CEP290: variants seen among roughly 807,000 people sequenced by gnomAD.
CEP290 encodes centrosomal protein 290, also known as centrosomal protein of 290 kDa.
A neutral mutation model predicts 344.9 loss-of-function variants in CEP290; 317 were observed. The observed-to-expected ratio is 0.92, with a 90% CI of 0.84 to 1.01. CEP290 has a LOEUF of 1.01. Ranked by LOEUF, CEP290 falls within the 50% of genes least tolerant of loss-of-function variation. The probability of loss-of-function intolerance (pLI) is 0.00; values close to 1 mark genes in which losing one functional copy is unlikely to be tolerated. For synonymous variants in CEP290, 932 were observed against 895.8 expected (o/e 1.04, Z -0.72); for missense variants, 2,754 against 2,761.4 (o/e 1.00, Z 0.06).
At chr12:88,118,142 AACT>A (rs1233784916) in intron 17 of CEP290, among the ~76,000 whole-genome samples, 1 of 151,920 alleles carries the variant, frequency 6.6e-6, no homozygotes, top group African/African-American at 2.4e-5. Flanking sequence ...TTAACATAAA[AACT>A]ACTAAGTTTT....
At chr12:88,087,978 T>C in intron 31 of CEP290, 34 bp from the exon 32 acceptor site, 1 of 873,890 alleles carries the variant, frequency 1.1e-6, no homozygotes. Context: ...CAAATATAAA[T>C]GCTATATTAA....
At chr12:88,066,435 G>A (rs2034936466) in intron 44 of CEP290, among the ~76,000 whole-genome samples, 1 of 150,540 alleles carries the variant, frequency 6.6e-6, no homozygotes, top group Non-Finnish European at 1.5e-5. Context: ...GAGTAGCTAG[G>A]ACTACAGGTG....
rs748941116 is a variant in CEP290, at chr12:88,083,957, G to T, written c.4705-3C>A. 7 of 1,559,866 alleles carry T rather than the reference G, an allele frequency of 4.5e-6. No homozygotes were observed. Among genetic ancestry groups the T allele is most frequent in the Non-Finnish European group, 4.4e-6 (5 of 1,143,756 alleles). Reference sequence around the variant, plus strand: ...TTCTTCACAATTTCTCTTTGCTCCTGTTTTACAGAAAATCGAAACTATATC... The same window carrying T: ...TTCTTCACAATTTCTCTTTGCTCCTTTTTTACAGAAAATCGAAACTATATC... On this transcript the variant is annotated splice_polypyrimidine_tract_variant and splice_region_variant and intron_variant, in intron 35 of 53. Coordinates refer to ENST00000552810, the MANE Select transcript of CEP290 (RefSeq NM_025114.4).
intron 26 of CEP290, among the ~76,000 whole-genome samples, chr12:88,098,336 G>T (rs963858098): frequency 7.3e-6 from 1 of 136,250 alleles, no homozygotes; most frequent in Admixed American, 7.4e-5. Context: ...TCGACCAGGT[G>T]CAGTGGCTCA....
chr12:88,071,692 CATATT>C lies in CEP290; in HGVS notation c.5855+84_5855+88del, dbSNP rs949761398. 4 of 1,041,476 alleles carry C rather than the reference CATATT, an allele frequency of 3.8e-6. No homozygotes were observed. The African/African-American group carries it at 6.7e-5, about 17-fold the overall frequency. The allele number at this position is 1,041,476 out of a possible 1,614,324, so 64.5% of individuals were successfully genotyped here. A position where few individuals can be genotyped will look rare whatever the true frequency, so the allele number is the denominator to read the frequency against. Reference sequence around the variant, plus strand: ...TGATCATTTAAACTAGACCATTTCTCATATTATCAACTATGATAAAGCTATATAAT... The same window carrying C: ...TGATCATTTAAACTAGACCATTTCTCATCAACTATGATAAAGCTATATAAT... On this transcript the variant is annotated intron_variant, in intron 42 of 53. Transcript: ENST00000552810.
intron 20 of CEP290, among the ~76,000 whole-genome samples, chr12:88,113,167 AT>A (rs1321044837): frequency 2.0e-5 from 3 of 152,114 alleles, no homozygotes; most frequent in Non-Finnish European, 4.4e-5. Flanking sequence ...AGGTCCAGAG[AT>A]TGTCAACATA....
intron 6 of CEP290, among the ~76,000 whole-genome samples, chr12:88,132,410 G>C (rs1445922905): frequency 6.6e-6 from 1 of 152,088 alleles, no homozygotes; most frequent in Non-Finnish European, 1.5e-5. Context: ...GGATATTATT[G>C]GGCCATTAGA....
Position 88,111,838 on chromosome 12 carries a change from T to C in CEP290, c.2073A>G (p.Ala691=), listed in dbSNP as rs766690438. Residue 691 remains alanine (A), a synonymous_variant, in exon 21 of 54, where the codon GCA becomes GCG. Coordinates refer to ENST00000552810, the MANE Select transcript of CEP290 (RefSeq NM_025114.4). ...GCAGACTCGCATCAAAGATTCCTTC[T>C]GCATTCTTTGATTCTATAGCCTAGC... is the stretch of plus-strand genomic sequence containing the variant. ...RLVNAIESKN[A]EGIFDASLHL... is the part of the protein sequence containing the mutation. The C allele has an allele frequency of 4.4e-6, 7 of 1,596,576 alleles. No individual in the cohort carries two copies. The highest frequency in any genetic ancestry group is 1.7e-4 in the Middle Eastern group (1 of 6,052).
At chr12:88,090,171 T>C (rs1480522227) in intron 30 of CEP290, among the ~76,000 whole-genome samples, 2 of 152,226 alleles carry the variant, frequency 1.3e-5, no homozygotes, top group Non-Finnish European at 2.9e-5. Flanking sequence ...ATTAAAGATT[T>C]ACTAACTACA....
intron 13 of CEP290, among the ~76,000 whole-genome samples, chr12:88,123,118 A>C (rs2039514486): frequency 6.6e-6 from 1 of 152,014 alleles, no homozygotes; most frequent in Admixed American, 6.6e-5. Context: ...CAACCTCTTC[A>C]CTGGCACACT....
intron 6 of CEP290, among the ~76,000 whole-genome samples, chr12:88,133,952 T>C (rs2138167902): frequency 6.6e-6 from 1 of 152,300 alleles, no homozygotes; most frequent in South Asian, 2.1e-4. Flanking sequence ...TTCTTGAGCT[T>C]TTCCTTGAAG....
At position 88,083,107 on chromosome 12, in the gene CEP290, T is replaced by G. The variant is rs1348715646; in HGVS notation, c.4936A>C (p.Lys1646Gln). The G allele has an allele frequency of 4.5e-6, 7 of 1,542,166 alleles. No homozygotes were observed. The highest frequency in any genetic ancestry group is 6.1e-6 in the Non-Finnish European group (7 of 1,142,982). ...TGTCTCTCCAAATCTTGTGATACTT[T>G]CTTTAGTTTGACCAAGAGTGAGGAA... is the stretch of plus-strand genomic sequence containing the variant. ...SLSSLLVKLK[K>Q]VSQDLERQRE... Residue 1646 changes from lysine to glutamine, a missense_variant, in exon 37 of 54, where the codon AAA (lysine) becomes CAA (glutamine). Coordinates refer to ENST00000552810, the MANE Select transcript of CEP290 (RefSeq NM_025114.4).
intron 49 of CEP290, among the ~76,000 whole-genome samples, chr12:88,056,962 T>G (rs1324283008): frequency 1.3e-5 from 2 of 152,200 alleles, no homozygotes; most frequent in Non-Finnish European, 2.9e-5. Context: ...TCAAGAGATT[T>G]CTACTTAGAC....
intron 29 of CEP290, among the ~76,000 whole-genome samples, chr12:88,091,647 G>A (rs1410321571): frequency 6.6e-6 from 1 of 151,846 alleles, no homozygotes; most frequent in East Asian, 1.9e-4. Flanking sequence ...TATCAAAAGA[G>A]GTCCATGAGA....
At chr12:88,119,963 T>C in intron 15 of CEP290, 151 bp downstream of exon 15, 1 of 480,926 alleles carries the variant, frequency 2.1e-6, no homozygotes, top group Non-Finnish European at 3.5e-6. Flanking sequence ...TCAATCAGGT[T>C]AGCTCCACTT....
intron 23 of CEP290, among the ~76,000 whole-genome samples, chr12:88,107,941 T>C (rs1211727216): frequency 6.6e-6 from 1 of 151,672 alleles, no homozygotes; most frequent in Non-Finnish European, 1.5e-5. Context: ...AATACATATG[T>C]TAAGTAGCTT....
chr12:88,140,550 AT>A (rs2040588135), intron 3 of CEP290, among the ~76,000 whole-genome samples: 1 of 152,280 alleles, frequency 6.6e-6, no homozygotes, highest in Non-Finnish European at 1.5e-5. Context: ...CAGCTCTAGA[AT>A]TCCCTTACTA....
intron 13 of CEP290, 106 bp from the exon 14 acceptor site, chr12:88,121,272 C>A: frequency 1.3e-6 from 1 of 742,378 alleles, no homozygotes; most frequent in Non-Finnish European, 2.1e-6. Context: ...AAAAAAAAAT[C>A]CTTTAAAGTT....
At chr12:88,113,206 T>C (rs1006789190) in intron 20 of CEP290, among the ~76,000 whole-genome samples, 3 of 152,146 alleles carry the variant, frequency 2.0e-5, no homozygotes, top group Non-Finnish European at 2.9e-5. Flanking sequence ...CTTGGGCTAT[T>C]CACTGTGTTT....
Sources: allele counts gnomAD v4.1 joint callset (sites outside exome capture counted in the v4.1 genomes callset), GRCh38; gene constraint gnomAD v4.1.1; transcripts MANE v1.5; gene names NCBI Gene and HGNC (gene_info 2026-07-23, HGNC 2026-07-21).